Variants in DENND1B observed in about 807,000 individuals in gnomAD.
DENND1B encodes the protein DENN domain containing 1B.
In DENND1B, 59 loss-of-function variants were observed where a neutral mutation model predicts 90.1. The observed-to-expected ratio is 0.65, with a 90% confidence interval of 0.53 to 0.81. DENND1B has a LOEUF of 0.81. Ranked by LOEUF, DENND1B falls within the 40% of genes least tolerant of loss-of-function variation. The pLI, the probability that DENND1B is intolerant of heterozygous loss-of-function variation, is 0.00. For missense variants in DENND1B, 862 were observed against 912.6 expected (o/e 0.94, Z 0.71); for synonymous variants, 337 against 324.6 (o/e 1.04, Z -0.41).
In DENND1B at chr1:197,773,540, C is replaced by G. The variant is rs529087545; in HGVS notation, c.18-608G>C. Among the ~76,000 whole-genome samples the G allele has an allele frequency of 7.9e-5, 12 of 152,308 alleles. No homozygotes were observed. The East Asian group carries it at 2.3e-3, about 29-fold the overall frequency. ...ACTTATGCATATTTAAAGTAGCAAACTATTCATAGCTCTAAGGCTAGCAAC... is the reference window on the plus strand; with the variant it reads ...ACTTATGCATATTTAAAGTAGCAAAGTATTCATAGCTCTAAGGCTAGCAAC... On this transcript the variant is annotated intron_variant, in intron 1 of 22. Transcript: ENST00000620048.
chr1:197,528,441 A>G (rs1669299142), intron 20 of DENND1B, among the ~76,000 whole-genome samples: 1 of 152,220 alleles, frequency 6.6e-6, no homozygotes, highest in Non-Finnish European at 1.5e-5. Context: ...CCACAAATCC[A>G]TTAGAATGTT....
chr1:197,535,146 G>C (rs1426450405), intron 20 of DENND1B, among the ~76,000 whole-genome samples: 1 of 152,142 alleles, frequency 6.6e-6, no homozygotes, highest in African/African-American at 2.4e-5. Context: ...GCTAGTGTAA[G>C]TGGCTCAATT....
intron 11 of DENND1B, among the ~76,000 whole-genome samples, chr1:197,615,664 A>G (rs1480235341): frequency 6.6e-6 from 1 of 150,930 alleles, no homozygotes; most frequent in Non-Finnish European, 1.5e-5. Context: ...TTACCCTAGG[A>G]AACAGTTTAG....
At chr1:197,630,749 A>C (rs1679251989) in intron 10 of DENND1B, among the ~76,000 whole-genome samples, 1 of 152,138 alleles carries the variant, frequency 6.6e-6, no homozygotes, top group South Asian at 2.1e-4. Context: ...ATAGTTGGAG[A>C]AACTGAGGCA....
rs114138392 is a variant in DENND1B at position 197,555,080 on chromosome 1, T to G, written c.1150-1968A>C. On this transcript the variant is annotated intron_variant, in intron 15 of 22. Transcript: ENST00000620048. ...CAAAATTGACAAAAATAAGTAATGG[T>G]GAAAGACACCCTTTTCAATATATGT... Among the ~76,000 whole-genome samples, 896 of 151,972 alleles carry G rather than the reference T, an allele frequency of 5.9e-3. 13 individuals carry two copies. The highest frequency in any genetic ancestry group is 0.02 in the African/African-American group (839 of 41,456).
intron 5 of DENND1B, among the ~76,000 whole-genome samples, chr1:197,665,999 G>C (rs947013018): frequency 4.6e-5 from 7 of 152,088 alleles, no homozygotes. Flanking sequence ...GAATGCTTCA[G>C]TATAAAGGCA....
At chr1:197,516,023 G>A (rs891831292) in intron 20 of DENND1B, among the ~76,000 whole-genome samples, 2 of 151,604 alleles carry the variant, frequency 1.3e-5, no homozygotes, top group Non-Finnish European at 2.9e-5. Flanking sequence ...AAACATCTAC[G>A]TCATGATATA....
chr1:197,762,559 A>G (rs1225821013), intron 2 of DENND1B, among the ~76,000 whole-genome samples: 1 of 152,222 alleles, frequency 6.6e-6, no homozygotes, highest in Non-Finnish European at 1.5e-5. Context: ...TTGCAACAGG[A>G]GCAGCTAAAA....
intron 2 of DENND1B, among the ~76,000 whole-genome samples, chr1:197,752,739 C>T (rs1653731246): frequency 6.6e-6 from 1 of 151,822 alleles, no homozygotes; most frequent in Admixed American, 6.6e-5. Context: ...GTGTGCTGCA[C>T]CCGTTAACTC....
chr1:197,667,635 G>A (rs951133891), intron 5 of DENND1B, among the ~76,000 whole-genome samples: 4 of 151,968 alleles, frequency 2.6e-5, no homozygotes, highest in African/African-American at 7.3e-5. Context: ...TCTTGACCTC[G>A]TAATCCGCCC....
chr1:197,525,493 A>G (rs1669077003), intron 20 of DENND1B, among the ~76,000 whole-genome samples: 1 of 152,150 alleles, frequency 6.6e-6, no homozygotes, highest in African/African-American at 2.4e-5. Flanking sequence ...AATACATGAC[A>G]AGTCTACTGT....
intron 10 of DENND1B, among the ~76,000 whole-genome samples, chr1:197,624,705 G>A (rs369260493): frequency 1.1e-4 from 16 of 151,708 alleles, no homozygotes; most frequent in African/African-American, 3.9e-4. Context: ...GGCTTCAGAC[G>A]ATCAAACTAC....
chr1:197,634,472 A>G (rs1679598772), intron 10 of DENND1B, among the ~76,000 whole-genome samples: 1 of 152,208 alleles, frequency 6.6e-6, no homozygotes, highest in Admixed American at 6.5e-5. Flanking sequence ...TGAACTTTCT[A>G]TTTAGGACTA....
At position 197,507,045 on chromosome 1, in the gene DENND1B, G is replaced by A. The variant is rs1482449481; in HGVS notation, c.*3415C>T. 1.3e-5 allele frequency: 2 copies of A among 150,754 alleles called. No homozygotes were observed. Among genetic ancestry groups the A allele is most frequent in the South Asian group, 2.1e-4 (1 of 4,802 alleles). 9.3% of individuals were successfully genotyped at this position (150,754 alleles called of 1,614,324 possible). On this transcript the variant is annotated 3_prime_UTR_variant, in exon 23 of 23. Coordinates refer to ENST00000620048, the MANE Select transcript of DENND1B (RefSeq NM_001195215.2). Reference sequence around the variant, plus strand: ...TTAATGAAATTAGAAATGATACTATGGTTCATACTTAGAGCATGCTTTAAA... The same window carrying A: ...TTAATGAAATTAGAAATGATACTATAGTTCATACTTAGAGCATGCTTTAAA...
chr1:197,774,102 T>C (rs899555212), intron 1 of DENND1B, among the ~76,000 whole-genome samples: 3 of 152,252 alleles, frequency 2.0e-5, no homozygotes, highest in Admixed American at 6.5e-5. Flanking sequence ...TGGGCTCAGA[T>C]GACTTCCTCC....
intron 2 of DENND1B, among the ~76,000 whole-genome samples, chr1:197,715,452 C>T (rs551769820): frequency 4.0e-5 from 6 of 151,726 alleles, no homozygotes; most frequent in Non-Finnish European, 7.4e-5. Context: ...AAGAAAAATA[C>T]AAATGTATCA....
At chr1:197,758,947 G>C (rs1162884196) in intron 2 of DENND1B, among the ~76,000 whole-genome samples, 1 of 145,466 alleles carries the variant, frequency 6.9e-6, no homozygotes, top group African/African-American at 2.5e-5. Context: ...CCAAAGAATA[G>C]AGTACTTCAT....
intron 5 of DENND1B, among the ~76,000 whole-genome samples, chr1:197,668,908 G>C (rs1206920075): frequency 6.6e-6 from 1 of 151,808 alleles, no homozygotes; most frequent in Non-Finnish European, 1.5e-5. Context: ...TTTCCCTCAT[G>C]CTTATTTAAA....
At chr1:197,668,213 G>A (rs1427069232) in intron 5 of DENND1B, among the ~76,000 whole-genome samples, 1 of 151,976 alleles carries the variant, frequency 6.6e-6, no homozygotes, top group Admixed American at 6.5e-5. Context: ...ATATGTGTAT[G>A]TTTTTCTTAA....
Sources: allele counts gnomAD v4.1 joint callset (sites outside exome capture counted in the v4.1 genomes callset), GRCh38; gene constraint gnomAD v4.1.1; transcripts MANE v1.5; gene names NCBI Gene and HGNC (gene_info 2026-07-23, HGNC 2026-07-21).